TASP1: variants seen among roughly 807,000 people sequenced by gnomAD.
The protein encoded by TASP1 is threonine aspartase 1.
A neutral mutation model predicts 56.6 loss-of-function variants in TASP1; 16 were observed. The ratio of observed to expected loss-of-function variants is 0.28; its 90% CI spans 0.19 to 0.43. TASP1 has a LOEUF of 0.43. Ranked by LOEUF, TASP1 falls within the 20% of genes least tolerant of loss-of-function variation. The pLI is 1.00. For missense variants in TASP1, 393 were observed against 511.6 expected, an observed-to-expected ratio of 0.77 and a Z score of 2.24; for synonymous variants, 179 against 184.2, an observed-to-expected ratio of 0.97 and a Z score of 0.23.
the TASP1 span, among the ~76,000 whole-genome samples, chr20:13,250,095 T>A: frequency 3.9e-5 from 6 of 152,124 alleles, no homozygotes; most frequent in Non-Finnish European, 8.8e-5. Context: ...TTTTCTACCT[T>A]AACAAAGAAA....
intron 4 of TASP1, among the ~76,000 whole-genome samples, chr20:13,601,540 A>G (rs189039753): frequency 6.6e-6 from 1 of 152,268 alleles, no homozygotes; most frequent in East Asian, 1.9e-4. Context: ...TAAATACATA[A>G]ATAAATAGGA....
intron 12 of TASP1, among the ~76,000 whole-genome samples, chr20:13,429,632 GTGTCTGTCTGTGTGTGTGCC>G (rs1053609763): frequency 4.3e-5 from 6 of 139,614 alleles, no homozygotes; most frequent in African/African-American, 1.7e-4. Context: ...GTGTGTGTGT[GTGTCTGTCTGTGTGTGTGCC>G]TGTCTGTGTG....
chr20:13,469,941 A>AGGAACTAT (rs370828673), intron 11 of TASP1, among the ~76,000 whole-genome samples: 1,678 of 150,988 alleles, frequency 0.011, 41 homozygotes, highest in African/African-American at 0.038. Flanking sequence ...CCCGAGTAGC[A>AGGAACTAT]GGAACTATAG....
At chr20:13,313,378 G>A in the TASP1 span, among the ~76,000 whole-genome samples, 1 of 152,214 alleles carries the variant, frequency 6.6e-6, no homozygotes, top group African/African-American at 2.4e-5. Flanking sequence ...TTACTCTTGT[G>A]TCAATCACAG....
chr20:13,307,391 C>T, the TASP1 span, among the ~76,000 whole-genome samples: 1 of 152,114 alleles, frequency 6.6e-6, no homozygotes, highest in East Asian at 1.9e-4. Flanking sequence ...AACATCCATA[C>T]CAACACCAAG....
At chr20:13,477,421 G>A (rs1219348225) in intron 11 of TASP1, among the ~76,000 whole-genome samples, 1 of 151,960 alleles carries the variant, frequency 6.6e-6, no homozygotes, top group African/African-American at 2.4e-5. Flanking sequence ...CATTTTCACA[G>A]ATAACATTTT....
At chr20:13,458,639 C>A (rs745703184) in intron 11 of TASP1, among the ~76,000 whole-genome samples, 1 of 152,012 alleles carries the variant, frequency 6.6e-6, no homozygotes. Flanking sequence ...CCACTCCTGG[C>A]CCATAGTTAA....
chr20:13,328,272 C>T, the TASP1 span, among the ~76,000 whole-genome samples: 98 of 152,142 alleles, frequency 6.4e-4, no homozygotes, highest in Non-Finnish European at 6.6e-4. Flanking sequence ...ATCTCACGCC[C>T]GTCAGAATGG....
intron 2 of TASP1, 48 bp from the exon 3 acceptor site, chr20:13,625,300 C>T (rs1283995467): frequency 6.7e-7 from 1 of 1,491,578 alleles, no homozygotes; most frequent in African/African-American, 1.4e-5. Context: ...ATCAAGAGAC[C>T]TTGCTTATGT....
intron 13 of TASP1, among the ~76,000 whole-genome samples, chr20:13,395,093 G>A (rs1259774017): frequency 6.6e-6 from 1 of 152,112 alleles, no homozygotes; most frequent in African/African-American, 2.4e-5. Context: ...TGGTTTCTAG[G>A]AAAACTGCAC....
the TASP1 span, among the ~76,000 whole-genome samples, chr20:13,214,762 G>A: frequency 7.9e-5 from 12 of 152,260 alleles, no homozygotes; most frequent in East Asian, 2.3e-3. Flanking sequence ...GGAGACAATG[G>A]TGAGAAAACT....
At chr20:13,588,160 A>G (rs542745145) in intron 4 of TASP1, among the ~76,000 whole-genome samples, 2 of 152,100 alleles carry the variant, frequency 1.3e-5, no homozygotes, top group East Asian at 3.9e-4. Context: ...CAGGAACAAG[A>G]CAAGGATATC....
rs116599447 is a variant in TASP1, at chr20:13,620,366, G to A, written c.282+3080C>T. Among the ~76,000 whole-genome samples the A allele has an allele frequency of 5.6e-3, 850 of 151,886 alleles. 13 individuals are homozygous for A. Among genetic ancestry groups the A allele is most frequent in the African/African-American group, 0.02 (814 of 41,394 alleles). On this transcript the variant is annotated intron_variant, in intron 4 of 13. Coordinates refer to ENST00000337743, the MANE Select transcript of TASP1 (RefSeq NM_017714.3). ...CCCCATGCATGGAGTTAAGAACGGT[G>A]TACTTTTCACTATTTGGGAAAATAC...
chr20:13,308,441 G>A, the TASP1 span, among the ~76,000 whole-genome samples: 475 of 152,166 alleles, frequency 3.1e-3, no homozygotes, highest in Middle Eastern at 0.014. Context: ...TACCATCACC[G>A]CTTATGGTGT....
At chr20:13,468,424 C>A (rs113506863) in intron 11 of TASP1, among the ~76,000 whole-genome samples, 12 of 152,214 alleles carry the variant, frequency 7.9e-5, no homozygotes, top group African/African-American at 2.9e-4. Context: ...ATTCTTCTCT[C>A]AAGAATGTGT....
intron 11 of TASP1, among the ~76,000 whole-genome samples, chr20:13,482,211 C>G (rs529516866): frequency 6.6e-6 from 1 of 152,052 alleles, no homozygotes; most frequent in Non-Finnish European, 1.5e-5. Flanking sequence ...CTTTGTGGAA[C>G]GTGAGTTCAT....
chr20:13,113,256 T>C, the TASP1 span, among the ~76,000 whole-genome samples: 1 of 152,168 alleles, frequency 6.6e-6, no homozygotes, highest in South Asian at 2.1e-4. Context: ...AGTCAATAGT[T>C]CACAAATGCA....
intron 9 of TASP1, among the ~76,000 whole-genome samples, chr20:13,529,861 C>T (rs926344694): frequency 2.6e-5 from 4 of 152,128 alleles, no homozygotes; most frequent in African/African-American, 7.2e-5. Context: ...CTACCCAGAG[C>T]GGGAATCTCC....
the TASP1 span, among the ~76,000 whole-genome samples, chr20:13,227,615 T>C: frequency 6.6e-6 from 1 of 151,588 alleles, no homozygotes. Flanking sequence ...TTCACGCCAT[T>C]CTCCTGCTTC....
Sources: allele counts gnomAD v4.1 joint callset (sites outside exome capture counted in the v4.1 genomes callset), GRCh38; gene constraint gnomAD v4.1.1; transcripts MANE v1.5; gene names NCBI Gene and HGNC (gene_info 2026-07-23, HGNC 2026-07-21).